HERC3: variants seen among roughly 807,000 people sequenced by gnomAD.
The protein encoded by HERC3 is HECT and RLD domain containing E3 ubiquitin protein ligase 3.
In HERC3, 58 loss-of-function variants were observed where a neutral mutation model predicts 129.9. That is an observed-to-expected ratio of 0.45 (90% CI 0.36 to 0.56). HERC3 has a LOEUF of 0.56. Among genes scored for constraint, HERC3 ranks in the 20% least tolerant of loss-of-function variants. The probability of loss-of-function intolerance (pLI) is 0.00; values close to 1 mark genes in which losing one functional copy is unlikely to be tolerated. For missense variants in HERC3, 835 were observed against 1,244.2 expected (o/e 0.67, Z 4.95); for synonymous variants, 430 against 451.0 (o/e 0.95, Z 0.59).
chr4:88,697,315 T>C lies in HERC3; in HGVS notation c.2658-6783T>C. On this transcript the variant is annotated intron_variant, in intron 23 of 25. Transcript: ENST00000402738. ...CTCCTCGTCTTCCCCCTCCTCCTCGTCATCCTCGTACTCCTCTTCCTCCTC... is the reference window on the plus strand; with the variant it reads ...CTCCTCGTCTTCCCCCTCCTCCTCGCCATCCTCGTACTCCTCTTCCTCCTC... The C allele has an allele frequency of 2.5e-6, 4 of 1,611,922 alleles. No individual in the cohort carries two copies. In the South Asian group the frequency reaches 4.4e-5, roughly 18 times the overall value.
the HERC3 span, among the ~76,000 whole-genome samples, chr4:88,551,783 G>A: frequency 6.6e-6 from 1 of 151,966 alleles, no homozygotes; most frequent in African/African-American, 2.4e-5. Context: ...CCCATTACTG[G>A]GTATATACCC....
chr4:88,707,045 A>T lies in HERC3; in HGVS notation c.*85A>T. On this transcript the variant is annotated 3_prime_UTR_variant, in exon 26 of 26. Transcript: ENST00000402738. ...CAGAAAATCATGGGGAGTGATTTCT[A>T]TTTTTTTATTGTCTAAGTGGGTTGG... The T allele has an allele frequency of 9.4e-7, 1 of 1,067,310 alleles. No homozygotes were observed. Among genetic ancestry groups the T allele is most frequent in the Non-Finnish European group, 1.4e-6 (1 of 712,336 alleles). 66.1% of individuals were successfully genotyped at this position (1,067,310 alleles called of 1,614,324 possible). A position where few individuals can be genotyped will look rare whatever the true frequency, so the allele number is the denominator to read the frequency against.
chr4:88,654,369 TATATATATATATATATATAC>T (rs1484098019), intron 7 of HERC3, among the ~76,000 whole-genome samples: 2 of 126,712 alleles, frequency 1.6e-5, no homozygotes, highest in African/African-American at 7.2e-5. Context: ...TATATATATA[TATATATATATATATATATAC>T]ACACACACAC....
rs1406365482 is a variant in HERC3 at position 88,707,263 on chromosome 4, T to TG, written c.*305dup. 3.2e-6 allele frequency: 1 copy of TG among 314,336 alleles called. No individual in the cohort carries two copies. The highest frequency in any genetic ancestry group is 5.9e-6 in the Non-Finnish European group (1 of 168,352). 19.5% of individuals were successfully genotyped at this position (314,336 alleles called of 1,614,324 possible). ...ATGTGTTGCACTCTGCTGGATGAAATGGCAGTGGATTTTTAAACTTTAATT... is the reference window on the plus strand; with the variant it reads ...ATGTGTTGCACTCTGCTGGATGAAATGGGCAGTGGATTTTTAAACTTTAATT... On this transcript the variant is annotated 3_prime_UTR_variant, in exon 26 of 26. Transcript: ENST00000402738.
intron 3 of HERC3, among the ~76,000 whole-genome samples, chr4:88,618,465 C>T (rs1346220095): frequency 6.6e-6 from 1 of 152,122 alleles, no homozygotes; most frequent in Non-Finnish European, 1.5e-5. Context: ...TCTTCTCTAC[C>T]CTTCTAATTT....
rs1266941147 is a variant in HERC3, at chr4:88,602,055, C to CAA, written c.-29-3723_-29-3722dup. On this transcript the variant is annotated intron_variant, in intron 2 of 25. Transcript: ENST00000402738. Reference sequence around the variant, plus strand: ...TGGGCGACAGAGCGAGACTCCGTCTCAAAAAAAAAAAAAAAAAAGAAAAGG... The same window carrying CAA: ...TGGGCGACAGAGCGAGACTCCGTCTCAAAAAAAAAAAAAAAAAAAAGAAAAGG... Among the ~76,000 whole-genome samples, 26 of 43,766 alleles carry CAA rather than the reference C, an allele frequency of 5.9e-4. 1 individual carries two copies. Among genetic ancestry groups the CAA allele is most frequent in the African/African-American group, 1.6e-3 (6 of 3,790 alleles). 28.7% of individuals were successfully genotyped at this position (43,766 alleles called of 152,430 possible). A position where few individuals can be genotyped will look rare whatever the true frequency, so the allele number is the denominator to read the frequency against.
the HERC3 span, among the ~76,000 whole-genome samples, chr4:88,559,960 A>AATTTTTTTTTT: frequency 8.4e-6 from 1 of 119,554 alleles, no homozygotes; most frequent in Admixed American, 8.3e-5. Flanking sequence ...GTTATTTTTG[A>AATTTTTTTTTT]TTTTTTTTTT....
chr4:88,675,728 A>G (rs547277198), intron 16 of HERC3, among the ~76,000 whole-genome samples: 3 of 151,638 alleles, frequency 2.0e-5, no homozygotes, highest in Non-Finnish European at 4.4e-5. Flanking sequence ...ACAGCTTACT[A>G]GATAAAGTTC....
chr4:88,526,377 C>G, the HERC3 span, among the ~76,000 whole-genome samples: 1 of 152,010 alleles, frequency 6.6e-6, no homozygotes, highest in African/African-American at 2.4e-5. Context: ...ATTTGTGAAC[C>G]TGCAATCCAA....
intron 18 of HERC3, among the ~76,000 whole-genome samples, chr4:88,677,594 T>C (rs1732307769): frequency 6.6e-6 from 1 of 152,186 alleles, no homozygotes; most frequent in Admixed American, 6.5e-5. Flanking sequence ...GAATAACTCT[T>C]TTTAACAAGT....
At chr4:88,670,907 T>C (rs766874880) in intron 16 of HERC3, among the ~76,000 whole-genome samples, 3 of 152,020 alleles carry the variant, frequency 2.0e-5, no homozygotes, top group Non-Finnish European at 2.9e-5. Context: ...TCCCTGACAT[T>C]GAGGAAGGGT....
chr4:88,545,649 C>T, the HERC3 span, among the ~76,000 whole-genome samples: 1 of 151,882 alleles, frequency 6.6e-6, no homozygotes, highest in Non-Finnish European at 1.5e-5. Flanking sequence ...TGGTCTCAAA[C>T]TCCTGGGCTC....
chr4:88,693,991 TA>T (rs1734338325), intron 23 of HERC3, among the ~76,000 whole-genome samples: 1 of 152,220 alleles, frequency 6.6e-6, no homozygotes, highest in Non-Finnish European at 1.5e-5. Flanking sequence ...GGAAACAATA[TA>T]AAGATTAGCC....
chr4:88,530,625 G>A, the HERC3 span, among the ~76,000 whole-genome samples: 5 of 152,130 alleles, frequency 3.3e-5, no homozygotes, highest in African/African-American at 1.2e-4. Flanking sequence ...ATAAAAGTTT[G>A]CTAGGCAGAG....
At chr4:88,566,638 C>T in the HERC3 span, among the ~76,000 whole-genome samples, 1 of 152,150 alleles carries the variant, frequency 6.6e-6, no homozygotes, top group Non-Finnish European at 1.5e-5. Flanking sequence ...CTTTTCTCTC[C>T]TACTGAAGAA....
upstream of HERC3, among the ~76,000 whole-genome samples, chr4:88,591,674 T>TA (rs1721717494): frequency 6.6e-6 from 1 of 152,068 alleles, no homozygotes; most frequent in African/African-American, 2.4e-5. Context: ...CTAGGGCAAG[T>TA]ATGAAAGCAC....
intron 19 of HERC3, among the ~76,000 whole-genome samples, chr4:88,679,822 G>A (rs1560754969): frequency 1.3e-5 from 2 of 152,112 alleles, no homozygotes; most frequent in South Asian, 2.1e-4. Context: ...CCAGCCAATA[G>A]ATGGTAGACT....
At chr4:88,683,145 C>G (rs796522474) in intron 21 of HERC3, among the ~76,000 whole-genome samples, 7 of 152,160 alleles carry the variant, frequency 4.6e-5, no homozygotes, top group African/African-American at 1.7e-4. Flanking sequence ...CTGTTCATAT[C>G]CTTTGCCCAC....
chr4:88,617,200 A>AAAAT lies in HERC3; in HGVS notation c.226+11152_226+11153insAATA, dbSNP rs1423791287. Among the ~76,000 whole-genome samples the AAAAT allele has an allele frequency of 4.8e-4, 70 of 145,660 alleles. 3 individuals carry two copies. The highest frequency in any genetic ancestry group is 3.2e-3 in the East Asian group (14 of 4,390). ...CAAAAAAAAAAAAAAAAAAAAAAAA[A>AAAAT]AGAAATTGAGAACCTTCTCTGAGGA... On this transcript the variant is annotated intron_variant, in intron 3 of 25. Transcript: ENST00000402738.
Sources: gnomAD v4.1 joint callset for allele counts (sites outside exome capture counted in the v4.1 genomes callset) on GRCh38, gnomAD v4.1.1 for gene constraint, MANE v1.5 for transcripts, NCBI Gene and HGNC (gene_info 2026-07-23, HGNC 2026-07-21) for gene names.